The following P2RX4 variants were observed in gnomAD, a reference collection of about 807,000 sequenced individuals.
P2RX4 encodes the protein purinergic receptor P2X 4, also known as P2X purinoceptor 4.
Under a neutral mutation model 48.0 loss-of-function variants are expected in P2RX4, and 37 were observed. The observed-to-expected ratio is 0.77, with a 90% confidence interval of 0.59 to 1.01. The LOEUF is 1.01. P2RX4 is among the 50% of genes least tolerant of loss of function. P2RX4 has a pLI of 0.00. For missense variants in P2RX4, 501 were observed against 521.4 expected (o/e 0.96, Z 0.38); for synonymous variants, 200 against 199.7 (o/e 1.00, Z -0.01).
chr12:121,226,920 C>G (rs1887012241), intron 5 of P2RX4, among the ~76,000 whole-genome samples: 1 of 152,042 alleles, frequency 6.6e-6, no homozygotes, highest in African/African-American at 2.4e-5. Flanking sequence ...TGAGACCAGC[C>G]TGACCAACAT....
At chr12:121,222,395 CTTG>C (rs768043041) in intron 4 of P2RX4, 28 of 538,558 alleles carry the variant, frequency 5.2e-5, no homozygotes, top group South Asian at 2.6e-4. Context: ...GTTGTTTTTT[CTTG>C]TTTTTTTTTT....
In P2RX4 at chr12:121,232,960, A is replaced by G; in HGVS notation, c.1045-37A>G. 1 of 1,413,042 alleles carries G rather than the reference A, an allele frequency of 7.1e-7. No homozygotes were observed. Among genetic ancestry groups the G allele is most frequent in the Non-Finnish European group, 1.0e-6 (1 of 996,846 alleles). The allele number at this position is 1,413,042 out of a possible 1,614,324, so 87.5% of individuals were successfully genotyped here. On this transcript the variant is annotated intron_variant, in intron 10 of 11. Coordinates refer to ENST00000337233, the MANE Select transcript of P2RX4 (RefSeq NM_002560.3). This position sits in a 1 kb window ranked among gnomAD's most constrained non-coding sequence, Gnocchi z 4.3. ...GAATAAGATGGGTTGATGGGTTGCA[A>G]GCATCCTGGCTCACTCTCACCCTAT...
Position 121,233,941 on chromosome 12 carries a change from G to A in P2RX4, c.*392G>A, listed in dbSNP as rs535237195. On this transcript the variant is annotated 3_prime_UTR_variant, in exon 12 of 12. Coordinates refer to ENST00000337233, the MANE Select transcript of P2RX4 (RefSeq NM_002560.3). ...GCGGCTCTGTTCAAGCACTTTATGC[G>A]GCAGGGGAGGCCGCCTGGCTGCAGT... The A allele has an allele frequency of 5.0e-4, 125 of 250,962 alleles. No homozygotes were observed. Among genetic ancestry groups the A allele is most frequent in the Non-Finnish European group, 7.8e-4 (98 of 125,486 alleles). The allele number at this position is 250,962 out of a possible 1,614,324, so 15.5% of individuals were successfully genotyped here. A position where few individuals can be genotyped will look rare whatever the true frequency, so the allele number is the denominator to read the frequency against.
At chr12:121,222,009 C>A (rs1233732303) in intron 3 of P2RX4, 25 bp downstream of exon 3, 1 of 1,608,928 alleles carries the variant, frequency 6.2e-7, no homozygotes, top group Admixed American at 1.7e-5. Context: ...GGAAGAGCCC[C>A]AGGCCCCACA....
In P2RX4 at chr12:121,229,335, T is replaced by C. The variant is rs1277526814; in HGVS notation, c.884+236T>C. On this transcript the variant is annotated intron_variant, in intron 8 of 11. Coordinates refer to ENST00000337233, the MANE Select transcript of P2RX4 (RefSeq NM_002560.3). The surrounding 1 kb of genome is among the most constrained non-coding windows in gnomAD (Gnocchi z 4.6). ...TTGCCCTTTCCTGCCGCAAGAAACATGTTGAGATGGTTCTTAGAGCAGCCA... is the reference window on the plus strand; with the variant it reads ...TTGCCCTTTCCTGCCGCAAGAAACACGTTGAGATGGTTCTTAGAGCAGCCA... Among the ~76,000 whole-genome samples the C allele has an allele frequency of 6.6e-6, 1 of 151,794 alleles. No individual in the cohort carries two copies. The highest frequency in any genetic ancestry group is 1.9e-4 in the East Asian group (1 of 5,132).
intron 8 of P2RX4, among the ~76,000 whole-genome samples, chr12:121,230,405 G>A (rs565479865): frequency 2.6e-5 from 4 of 152,250 alleles, no homozygotes; most frequent in Non-Finnish European, 5.9e-5. Context: ...AAGAGGCCCT[G>A]CAAGGACCAT....
At chr12:121,222,449 G>A (rs1316457548) in intron 4 of P2RX4, 1 of 465,788 alleles carries the variant, frequency 2.1e-6, no homozygotes, top group East Asian at 4.0e-5. Flanking sequence ...GTCTCGCTCT[G>A]TCACCCAAAC....
chr12:121,221,836 T>C (rs1293661603), intron 2 of P2RX4, 77 bp from the exon 3 acceptor site: 9 of 1,229,684 alleles, frequency 7.3e-6, no homozygotes, highest in Non-Finnish European at 1.1e-5. Context: ...AGTTGTCCTC[T>C]TCAGTCAGCG....
intron 5 of P2RX4, 45 bp downstream of exon 5, chr12:121,223,088 G>T (rs1200904586): frequency 8.0e-7 from 1 of 1,254,324 alleles, no homozygotes. Context: ...GTTTTGTTTT[G>T]TTTTAGACAC....
intron 2 of P2RX4, among the ~76,000 whole-genome samples, chr12:121,218,704 G>GCA (rs1886381557): frequency 6.6e-6 from 1 of 152,108 alleles, no homozygotes; most frequent in South Asian, 2.1e-4. Flanking sequence ...CCACAACTCA[G>GCA]CCTTCCGTGG....
At chr12:121,233,230 G>A in intron 11 of P2RX4, 138 bp downstream of exon 11, 1 of 670,532 alleles carries the variant, frequency 1.5e-6, no homozygotes, top group Non-Finnish European at 2.6e-6. Flanking sequence ...AACCCGGGCA[G>A]TCCTGCCACT....
intron 1 of P2RX4, among the ~76,000 whole-genome samples, chr12:121,212,597 G>A (rs1885933070): frequency 6.7e-6 from 1 of 149,164 alleles, no homozygotes; most frequent in African/African-American, 2.5e-5. Context: ...AGACCAGCCT[G>A]GCCAACATGG....
intron 2 of P2RX4, among the ~76,000 whole-genome samples, chr12:121,220,218 G>A (rs1255664195): frequency 6.6e-6 from 1 of 152,074 alleles, no homozygotes; most frequent in South Asian, 2.1e-4. Context: ...AATCTGGTTG[G>A]CAGGGAATGT....
intron 8 of P2RX4, among the ~76,000 whole-genome samples, chr12:121,230,491 G>A (rs929269889): frequency 6.6e-6 from 1 of 152,158 alleles, no homozygotes; most frequent in Non-Finnish European, 1.5e-5. Context: ...CGATCCATAC[G>A]GGATCCTAAG....
At position 121,232,466 on chromosome 12, in the gene P2RX4, A is replaced by G. The variant is rs1458467331; in HGVS notation, c.937A>G (p.Lys313Glu). ...LAGNEQRTLI[K>E]AYGIRFDIIV... The stretch of plus-strand genomic sequence containing the variant: ...TGGCAACGAGCAGCGCACGCTCATC[A>G]AGGCCTATGGCATCCGCTTCGACAT... The change falls in exon 9 of 12, where the codon AAG (lysine) becomes GAG (glutamate). Residue 313 changes from lysine to glutamate, a missense_variant. Coordinates refer to ENST00000337233, the MANE Select transcript of P2RX4 (RefSeq NM_002560.3). The surrounding 1 kb of genome is among the most constrained non-coding windows in gnomAD (Gnocchi z 4.3). 6.2e-7 allele frequency: 1 copy of G among 1,614,058 alleles called. No homozygotes were observed. The highest frequency in any genetic ancestry group is 1.3e-5 in the African/African-American group (1 of 74,932).
chr12:121,224,774 C>T (rs532860746), intron 5 of P2RX4, among the ~76,000 whole-genome samples: 2 of 151,978 alleles, frequency 1.3e-5, no homozygotes, highest in East Asian at 1.9e-4. Context: ...CCTTTCTCAC[C>T]GAGAGCTCAG....
chr12:121,219,611 GGATGGATAGATAGATAGATA>G (rs1347510260), intron 2 of P2RX4, among the ~76,000 whole-genome samples: 43 of 122,946 alleles, frequency 3.5e-4, no homozygotes, highest in African/African-American at 1.3e-3. Flanking sequence ...ATGGATGGAT[GGATGGATAGATAGATAGATA>G]GATAGATAGA....
chr12:121,222,843 G>A (rs757077584), intron 4 of P2RX4, 104 bp from the exon 5 acceptor site: 1 of 1,443,264 alleles, frequency 6.9e-7, no homozygotes, highest in Non-Finnish European at 9.5e-7. Context: ...CTCAAGACTG[G>A]CTGCATGGGA....
chr12:121,229,281 G>T lies in P2RX4; in HGVS notation c.884+182G>T, dbSNP rs1304340072. The stretch of plus-strand genomic sequence containing the variant: ...AATGCCCTTAGTGGTGTCCTGCTCC[G>T]GGGCCATCCCGGCCCCCGAGACCCC... On this transcript the variant is annotated intron_variant, in intron 8 of 11. Coordinates refer to ENST00000337233, the MANE Select transcript of P2RX4 (RefSeq NM_002560.3). The surrounding 1 kb of genome is among the most constrained non-coding windows in gnomAD (Gnocchi z 4.6). Among the ~76,000 whole-genome samples the T allele has an allele frequency of 6.6e-6, 1 of 152,130 alleles. No homozygotes were observed. Among genetic ancestry groups the T allele is most frequent in the Non-Finnish European group, 1.5e-5 (1 of 68,004 alleles).
Sources: gnomAD v4.1 joint callset for allele counts (sites outside exome capture counted in the v4.1 genomes callset) on GRCh38, gnomAD v4.1.1 for gene constraint, Gnocchi (gnomAD v3.1) non-coding constraint, MANE v1.5 for transcripts, NCBI Gene and HGNC (gene_info 2026-07-23, HGNC 2026-07-21) for gene names.